Variants in CSMD1 observed in about 807,000 individuals in gnomAD.
CSMD1 encodes CUB and sushi domain-containing protein 1.
Under a neutral mutation model 417.5 loss-of-function variants are expected in CSMD1, and 213 were observed. That is an observed-to-expected ratio of 0.51 (90% CI 0.46 to 0.57). The LOEUF is 0.57. Ranked by LOEUF, CSMD1 falls within the 20% of genes least tolerant of loss-of-function variation. The probability of loss-of-function intolerance (pLI) is 0.00; values close to 1 mark genes in which losing one functional copy is unlikely to be tolerated. For synonymous variants in CSMD1, 2,862 were observed against 1,736.8 expected (o/e 1.65, Z -16.11); for missense variants, 6,923 against 4,529.7 (o/e 1.53, Z -15.17).
intron 1 of CSMD1, among the ~76,000 whole-genome samples, chr8:4,765,647 A>T (rs753293797): frequency 9.2e-5 from 14 of 152,224 alleles, no homozygotes; most frequent in Non-Finnish European, 1.5e-4. Flanking sequence ...CTCACTAAAG[A>T]TATATCCAAG....
chr8:3,103,447 A>C (rs935803359), intron 46 of CSMD1, among the ~76,000 whole-genome samples: 1 of 152,116 alleles, frequency 6.6e-6, no homozygotes, highest in African/African-American at 2.4e-5. Flanking sequence ...ATGAGACTGT[A>C]CTGAAGACTG....
At chr8:3,679,097 C>A (rs190672429) in intron 7 of CSMD1, among the ~76,000 whole-genome samples, 1 of 152,064 alleles carries the variant, frequency 6.6e-6, no homozygotes, top group African/African-American at 2.4e-5. Context: ...TTGTAAAGAC[C>A]ATCGAGGCTA....
chr8:4,233,619 A>T (rs1184500148), intron 3 of CSMD1, among the ~76,000 whole-genome samples: 1 of 152,110 alleles, frequency 6.6e-6, no homozygotes, highest in Admixed American at 6.5e-5. Flanking sequence ...GGACACCTTG[A>T]TCTTGGACTG....
intron 8 of CSMD1, among the ~76,000 whole-genome samples, chr8:3,588,263 A>G (rs78174695): frequency 0.028 from 4,320 of 152,208 alleles, 204 homozygotes; most frequent in African/African-American, 0.095. Flanking sequence ...CAAAGCCACA[A>G]TCTCATATAG....
rs191840932 is a variant in CSMD1 at position 3,757,741 on chromosome 8, C to G, written c.819-3699G>C. Among the ~76,000 whole-genome samples the G allele has an allele frequency of 4.3e-4, 66 of 151,908 alleles. No homozygotes were observed. The East Asian group carries it at 0.012, about 28-fold the overall frequency. On this transcript the variant is annotated intron_variant, in intron 5 of 69. Transcript: ENST00000635120. ...GCAGGCACAGGTAATCCTAGATAAT[C>G]GGGAGGCTGAGGCAAGAGAATTGCT...
intron 3 of CSMD1, among the ~76,000 whole-genome samples, chr8:4,214,548 T>A (rs1303076528): frequency 1.3e-5 from 2 of 152,218 alleles, no homozygotes; most frequent in African/African-American, 4.8e-5. Flanking sequence ...TCTGTCTGAC[T>A]TGGCCTCCCA....
rs1399107275 is a variant in CSMD1, at chr8:2,978,761, A to G, written c.8417T>C (p.Ile2806Thr). The change falls in exon 55 of 70, where the codon ATT becomes ACT. Residue 2806 changes from isoleucine to threonine, a missense_variant. By Grantham distance (89) the Ile-to-Thr change is moderately conservative. Coordinates refer to ENST00000635120, the MANE Select transcript of CSMD1 (RefSeq NM_033225.6). ...CSDPGFVENAIRHGQQNFPES... is the reference protein window; with the variant it reads ...CSDPGFVENATRHGQQNFPES... ...AGGGAAGTTCTGTTGCCCGTGACGA[A>G]TGGCATTTTCCACAAAGCCTGGATC... 6.2e-7 allele frequency: 1 copy of G among 1,613,584 alleles called. No homozygotes were observed. Among genetic ancestry groups the G allele is most frequent in the East Asian group, 2.2e-5 (1 of 44,840 alleles).
chr8:4,858,328 G>A (rs1450331945), intron 1 of CSMD1, among the ~76,000 whole-genome samples: 1 of 151,664 alleles, frequency 6.6e-6, no homozygotes, highest in Non-Finnish European at 1.5e-5. Context: ...GGCAAAAACT[G>A]GAAGCATTCC....
At chr8:4,792,526 G>A (rs1378396279) in intron 1 of CSMD1, among the ~76,000 whole-genome samples, 1 of 151,996 alleles carries the variant, frequency 6.6e-6, no homozygotes, top group Non-Finnish European at 1.5e-5. Context: ...TCTGTGCTTT[G>A]GGTGATCACG....
At chr8:3,925,778 T>C (rs920323804) in intron 5 of CSMD1, among the ~76,000 whole-genome samples, 4 of 152,100 alleles carry the variant, frequency 2.6e-5, no homozygotes, top group South Asian at 4.1e-4. Flanking sequence ...TGAACCTCTT[T>C]TTATTCCCAG....
intron 18 of CSMD1, among the ~76,000 whole-genome samples, chr8:3,380,204 C>A (rs996554462): frequency 7.9e-5 from 12 of 152,038 alleles, no homozygotes; most frequent in African/African-American, 2.4e-4. Flanking sequence ...GTCTCACAAC[C>A]GTTAGAAAGG....
At position 2,949,374 on chromosome 8, in the gene CSMD1, G is replaced by C; in HGVS notation, c.10327C>G (p.Leu3443Val). The change falls in exon 68 of 70, where the codon CTT (leucine) becomes GTT (valine). Residue 3443 changes from leucine (L) to valine (V), a missense_variant. Physicochemically the swap from Leu to Val is conservative, Grantham distance 32. Transcript: ENST00000635120. Reference sequence around the variant, plus strand: ...TGAAAAGTAAATCCTCCTCTTTCAAGTCCAGATGACACCTGACACATAGGA... The same window carrying C: ...TGAAAAGTAAATCCTCCTCTTTCAACTCCAGATGACACCTGACACATAGGA... Reference protein sequence around the residue: ...WGLDGYVSSGLERGGFTFQGD... With the variant: ...WGLDGYVSSGVERGGFTFQGD... 1 of 1,593,458 alleles carries C rather than the reference G, an allele frequency of 6.3e-7. No homozygotes were observed. The highest frequency in any genetic ancestry group is 8.6e-7 in the Non-Finnish European group (1 of 1,168,854).
intron 46 of CSMD1, among the ~76,000 whole-genome samples, chr8:3,098,434 A>G (rs901872306): frequency 5.3e-5 from 8 of 152,222 alleles, no homozygotes; most frequent in African/African-American, 1.9e-4. Context: ...TAATTAACAT[A>G]TATTTTAAAA....
At chr8:4,104,081 G>T (rs995603280) in intron 3 of CSMD1, among the ~76,000 whole-genome samples, 3 of 152,198 alleles carry the variant, frequency 2.0e-5, no homozygotes, top group African/African-American at 7.2e-5. Flanking sequence ...TCTCCCTCAA[G>T]ACACACAAAT....
At chr8:3,643,644 T>C (rs1233414992) in intron 7 of CSMD1, among the ~76,000 whole-genome samples, 3 of 139,196 alleles carry the variant, frequency 2.2e-5, no homozygotes, top group Non-Finnish European at 4.5e-5. Flanking sequence ...GAGCTTGCAG[T>C]GAGCCGAGAT....
intron 1 of CSMD1, among the ~76,000 whole-genome samples, chr8:4,960,479 G>C (rs919012550): frequency 1.3e-5 from 2 of 152,150 alleles, no homozygotes; most frequent in African/African-American, 4.8e-5. Flanking sequence ...ACCAAACTAA[G>C]CTGAATTCCT....
intron 37 of CSMD1, among the ~76,000 whole-genome samples, chr8:3,171,428 G>C (rs1020631028): frequency 1.3e-5 from 2 of 152,132 alleles, no homozygotes; most frequent in Non-Finnish European, 2.9e-5. Context: ...CATGTCTAAA[G>C]TCCACTCCCC....
chr8:4,679,100 T>C (rs137859247), intron 1 of CSMD1, among the ~76,000 whole-genome samples: 2 of 152,122 alleles, frequency 1.3e-5, no homozygotes, highest in Non-Finnish European at 2.9e-5. Flanking sequence ...CATCTGGTCA[T>C]CTGCGCAAGT....
chr8:3,686,597 C>G (rs1799955937), intron 7 of CSMD1, among the ~76,000 whole-genome samples: 1 of 152,152 alleles, frequency 6.6e-6, no homozygotes, highest in South Asian at 2.1e-4. Flanking sequence ...AAGCAGTGTT[C>G]TTATCATCAA....
Sources: gnomAD v4.1 joint callset for allele counts (sites outside exome capture counted in the v4.1 genomes callset) on GRCh38, gnomAD v4.1.1 for gene constraint, MANE v1.5 for transcripts, NCBI Gene and HGNC (gene_info 2026-07-23, HGNC 2026-07-21) for gene names.